The following CASD1 variants were observed in gnomAD, a reference collection of about 807,000 sequenced individuals.
CASD1 encodes the protein N-acetylneuraminate (7)9-O-acetyltransferase.
A neutral mutation model predicts 100.0 loss-of-function variants in CASD1; 41 were observed. The ratio of observed to expected loss-of-function variants is 0.41; its 90% CI spans 0.32 to 0.53. The LOEUF is 0.53. Among genes scored for constraint, CASD1 ranks in the 20% least tolerant of loss-of-function variants. CASD1 has a pLI of 0.25. For missense variants in CASD1, 774 were observed against 948.7 expected, an observed-to-expected ratio of 0.82 and a Z score of 2.42; for synonymous variants, 321 against 315.6, an observed-to-expected ratio of 1.02 and a Z score of -0.18.
At chr7:94,554,282 C>T (rs1392236194) in intron 16 of CASD1, 2 of 445,174 alleles carry the variant, frequency 4.5e-6, no homozygotes, top group Non-Finnish European at 8.1e-6. Flanking sequence ...TGCAGCATAC[C>T]GACCATGTGT....
chr7:94,517,627 C>T lies in CASD1; in HGVS notation c.201C>T (p.His67=). The stretch of plus-strand genomic sequence containing the variant: ...TTGGAGAGAAAGTTTGGCAACCTCA[C>T]AGTTGTATGATGCATAAATACAAAA... ...RFLGEKVWQP[H]SCMMHKYKIS... The change falls in exon 2 of 18, where the codon CAC becomes CAT. Residue 67 remains histidine, a synonymous_variant. Transcript: ENST00000297273. 6.2e-7 allele frequency: 1 copy of T among 1,610,058 alleles called. No homozygotes were observed. The highest frequency in any genetic ancestry group is 8.5e-7 in the Non-Finnish European group (1 of 1,177,546).
intron 1 of CASD1, among the ~76,000 whole-genome samples, chr7:94,516,880 T>A (rs1452462518): frequency 6.6e-6 from 1 of 151,928 alleles, no homozygotes; most frequent in Non-Finnish European, 1.5e-5. Flanking sequence ...ATTTCCAAAG[T>A]CGTGTCTTTT....
chr7:94,609,259 G>C, the CASD1 span, among the ~76,000 whole-genome samples: 1 of 152,234 alleles, frequency 6.6e-6, no homozygotes, highest in South Asian at 2.1e-4. Context: ...AGATGCAGTG[G>C]CTCAAGCCTG....
At chr7:94,629,737 G>A in the CASD1 span, 1 of 1,611,094 alleles carries the variant, frequency 6.2e-7, no homozygotes, top group South Asian at 1.1e-5. Flanking sequence ...GGGTAAGGTG[G>A]AAATTCCCCC....
the CASD1 span, chr7:94,600,597 G>C: frequency 2.9e-6 from 4 of 1,365,170 alleles, no homozygotes; most frequent in Non-Finnish European, 4.2e-6. Flanking sequence ...CTTCTATGTT[G>C]TTATCTTAGC....
At chr7:94,614,859 CATT>C in the CASD1 span, among the ~76,000 whole-genome samples, 1 of 151,932 alleles carries the variant, frequency 6.6e-6, no homozygotes, top group Non-Finnish European at 1.5e-5. Flanking sequence ...ACTGAATAAA[CATT>C]AAACTATGAA....
chr7:94,564,495 A>G, the CASD1 span, among the ~76,000 whole-genome samples: 4 of 152,174 alleles, frequency 2.6e-5, no homozygotes, highest in South Asian at 2.1e-4. Flanking sequence ...TTCATCCTCT[A>G]TGATAGCTCT....
At chr7:94,544,960 A>G (rs1004153434) in intron 11 of CASD1, among the ~76,000 whole-genome samples, 4 of 152,156 alleles carry the variant, frequency 2.6e-5, no homozygotes, top group African/African-American at 9.6e-5. Context: ...TGAGGAATCT[A>G]AGGCTCAGAG....
the CASD1 span, chr7:94,589,492 CA>C: frequency 1.3e-5 from 2 of 152,426 alleles, no homozygotes; most frequent in African/African-American, 4.8e-5. Flanking sequence ...TCTTCTAAGA[CA>C]GGGGTCCCCA....
At chr7:94,560,433 G>A (rs372639451), downstream of CASD1, among the ~76,000 whole-genome samples, 4 of 152,114 alleles carry the variant, frequency 2.6e-5, no homozygotes, top group Admixed American at 1.3e-4. Context: ...TCCAAAGTAC[G>A]TAATGCATAA....
the CASD1 span, among the ~76,000 whole-genome samples, chr7:94,569,617 A>G: frequency 6.6e-6 from 1 of 151,094 alleles, no homozygotes; most frequent in Non-Finnish European, 1.5e-5. Context: ...CAATTTTTAA[A>G]TTTTTTGTAT....
rs780579180 is a variant in CASD1, at chr7:94,545,531, C to G, written c.1477-14C>G. 3.8e-6 allele frequency: 6 copies of G among 1,587,664 alleles called. No individual in the cohort carries two copies. The East Asian group carries it at 1.3e-4, about 36-fold the overall frequency. On this transcript the variant is annotated splice_polypyrimidine_tract_variant and intron_variant, in intron 11 of 17. Coordinates refer to ENST00000297273, the MANE Select transcript of CASD1 (RefSeq NM_022900.5). ...TTACTTAGAATGAAACCATTTTCTT[C>G]TCCTTTTCAATAGGTTTTATTTCGT...
the CASD1 span, chr7:94,624,606 T>G: frequency 5.6e-6 from 1 of 177,496 alleles, no homozygotes; most frequent in Non-Finnish European, 1.2e-5. Context: ...TTAAACAAAC[T>G]AGGAACTTTT....
chr7:94,560,014 T>G (rs143726937), downstream of CASD1, among the ~76,000 whole-genome samples: 11 of 152,324 alleles, frequency 7.2e-5, no homozygotes, highest in East Asian at 2.1e-3. Context: ...TTTGTTGGTT[T>G]GTTTTGTTGT....
chr7:94,579,665 A>G, the CASD1 span, among the ~76,000 whole-genome samples: 1 of 152,126 alleles, frequency 6.6e-6, no homozygotes, highest in Non-Finnish European at 1.5e-5. Context: ...ATTGCAACAC[A>G]CTTTAGCTGC....
chr7:94,606,128 C>T, the CASD1 span, among the ~76,000 whole-genome samples: 10 of 152,244 alleles, frequency 6.6e-5, no homozygotes, highest in African/African-American at 2.4e-4. Flanking sequence ...CATGGCTGGC[C>T]TCAATAATCA....
intron 1 of CASD1, 38 bp downstream of exon 1, chr7:94,510,255 G>A (rs917325348): frequency 1.2e-5 from 17 of 1,372,458 alleles, no homozygotes; most frequent in South Asian, 1.6e-5. Context: ...CAGGCCGTGG[G>A]GGAGGCGGCG....
In CASD1 at chr7:94,545,015, C is replaced by CT. The variant is rs961037050; in HGVS notation, c.1476+486dup. Among the ~76,000 whole-genome samples, 104 of 152,198 alleles carry CT rather than the reference C, an allele frequency of 6.8e-4. 1 individual carries two copies. Among genetic ancestry groups the CT allele is most frequent in the African/African-American group, 2.5e-3 (103 of 41,552 alleles). On this transcript the variant is annotated intron_variant, in intron 11 of 17. Coordinates refer to ENST00000297273, the MANE Select transcript of CASD1 (RefSeq NM_022900.5). ...AGGTCACATAGTAAGTGGTACAGCA[C>CT]TAGTAAAAATCTGCTGAAATTCTGT...
chr7:94,611,934 A>G, the CASD1 span, among the ~76,000 whole-genome samples: 3 of 152,224 alleles, frequency 2.0e-5, no homozygotes, highest in Non-Finnish European at 4.4e-5. Flanking sequence ...AAAATTCAGA[A>G]CAAAAGTAGA....
Sources: allele counts gnomAD v4.1 joint callset (sites outside exome capture counted in the v4.1 genomes callset), GRCh38; gene constraint gnomAD v4.1.1; transcripts MANE v1.5; gene names NCBI Gene and HGNC (gene_info 2026-07-23, HGNC 2026-07-21).